The following LRRTM3 variants were observed in gnomAD, a reference collection of about 807,000 sequenced individuals.
LRRTM3 encodes the protein leucine rich repeat transmembrane neuronal 3.
In LRRTM3, 24 loss-of-function variants were observed where a neutral mutation model predicts 44.7. The observed-to-expected ratio is 0.54, with a 90% CI of 0.39 to 0.76. LRRTM3 has a LOEUF of 0.76. Ranked by LOEUF, LRRTM3 falls within the 30% of genes least tolerant of loss-of-function variation. The pLI, the probability that LRRTM3 is intolerant of heterozygous loss-of-function variation, is 0.00. For missense variants in LRRTM3, 587 were observed against 702.2 expected (o/e 0.84, Z 1.85); for synonymous variants, 277 against 278.7 (o/e 0.99, Z 0.06).
chr10:67,064,088 T>C (rs1223781960), intron 2 of LRRTM3, among the ~76,000 whole-genome samples: 1 of 152,220 alleles, frequency 6.6e-6, no homozygotes, highest in East Asian at 1.9e-4. Context: ...TGCACTTATT[T>C]CTAGTTAGCC....
At chr10:67,022,671 T>C (rs2894024) in intron 2 of LRRTM3, among the ~76,000 whole-genome samples, 137,316 of 152,160 alleles carry the variant, frequency 0.9, 62,396 homozygotes, top group South Asian at 0.97. Context: ...GGCACGGTGG[T>C]TCATGCCTTT....
At chr10:67,070,099 T>A (rs916682370) in intron 2 of LRRTM3, among the ~76,000 whole-genome samples, 1 of 152,212 alleles carries the variant, frequency 6.6e-6, no homozygotes, top group Non-Finnish European at 1.5e-5. Flanking sequence ...CTCGTCAGTG[T>A]GTAGTATTAT....
At chr10:67,028,479 G>A (rs1279159782) in intron 2 of LRRTM3, among the ~76,000 whole-genome samples, 1 of 151,906 alleles carries the variant, frequency 6.6e-6, no homozygotes, top group Non-Finnish European at 1.5e-5. Flanking sequence ...GTACTTGAGA[G>A]TGGATGGCAT....
intron 2 of LRRTM3, among the ~76,000 whole-genome samples, chr10:66,941,788 CA>C (rs1414153721): frequency 1.3e-5 from 2 of 151,968 alleles, no homozygotes; most frequent in Non-Finnish European, 2.9e-5. Flanking sequence ...TCTTAGAAGA[CA>C]AAAGCAAAAA....
At position 66,961,081 on chromosome 10, in the gene LRRTM3, T is replaced by A. The variant is rs1324811988; in HGVS notation, c.1536+32629T>A. ...ATTAGTGATACAGTAATAGATATGC[T>A]AATTCATAAAATGTTCAATAGCAAG... is the stretch of plus-strand genomic sequence containing the variant. On this transcript the variant is annotated intron_variant, in intron 2 of 2. Coordinates refer to ENST00000361320, the MANE Select transcript of LRRTM3 (RefSeq NM_178011.5). 2.6e-5 allele frequency among the ~76,000 whole-genome samples: 4 copies of A among 152,228 alleles called. No homozygotes were observed. In the East Asian group the frequency reaches 7.7e-4, roughly 29 times the overall value.
At chr10:67,021,014 G>T (rs755719352) in intron 2 of LRRTM3, among the ~76,000 whole-genome samples, 2 of 152,142 alleles carry the variant, frequency 1.3e-5, no homozygotes, top group East Asian at 1.9e-4. Flanking sequence ...TGAAGAGTTT[G>T]CCCTTACTTG....
intron 2 of LRRTM3, among the ~76,000 whole-genome samples, chr10:67,002,030 C>T (rs570661681): frequency 1.6e-4 from 24 of 152,176 alleles, no homozygotes; most frequent in Admixed American, 1.5e-3. Context: ...AGGAGGTCAC[C>T]GTCTGGTTGA....
intron 2 of LRRTM3, among the ~76,000 whole-genome samples, chr10:67,054,058 TACAG>T (rs1855278235): frequency 6.6e-6 from 1 of 152,170 alleles, no homozygotes; most frequent in African/African-American, 2.4e-5. Flanking sequence ...CTTTGCAGAT[TACAG>T]ACACTTAGTA....
Position 66,927,457 on chromosome 10 carries a change from C to G in LRRTM3, c.541C>G (p.Arg181Gly). 6.2e-7 allele frequency: 1 copy of G among 1,614,058 alleles called. No individual in the cohort carries two copies. The highest frequency in any genetic ancestry group is 1.1e-5 in the South Asian group (1 of 91,084). Residue 181 changes from arginine to glycine, a missense_variant, in exon 2 of 3, where the codon CGC (arginine) becomes GGC (glycine). Coordinates refer to ENST00000361320, the MANE Select transcript of LRRTM3 (RefSeq NM_178011.5). The surrounding 1 kb of genome is among the most constrained non-coding windows in gnomAD (Gnocchi z 4.7). The stretch of plus-strand genomic sequence containing the variant: ...CCCTGTGCGAATATTCCAAGACTGC[C>G]GCAACCTGGAACTTTTGGACCTGGG... Reference protein sequence around the residue: ...TIPVRIFQDCRNLELLDLGYN... With the variant: ...TIPVRIFQDCGNLELLDLGYN...
At chr10:67,076,269 C>T (rs542727847) in intron 2 of LRRTM3, among the ~76,000 whole-genome samples, 1 of 152,366 alleles carries the variant, frequency 6.6e-6, no homozygotes, top group African/African-American at 2.4e-5. Context: ...TAACTTTTCA[C>T]TGGATCTTAA....
chr10:67,019,322 G>A (rs773023362), intron 2 of LRRTM3, among the ~76,000 whole-genome samples: 11 of 152,122 alleles, frequency 7.2e-5, no homozygotes, highest in East Asian at 1.9e-4. Flanking sequence ...GGGTCCAAGC[G>A]CTTCTCCTGC....
intron 2 of LRRTM3, among the ~76,000 whole-genome samples, chr10:67,026,026 C>G (rs894131576): frequency 6.7e-6 from 1 of 149,744 alleles, no homozygotes. Context: ...CCAAACACCG[C>G]ATGTTCTCAT....
chr10:66,961,354 G>A (rs1241056219), intron 2 of LRRTM3, among the ~76,000 whole-genome samples: 1 of 152,076 alleles, frequency 6.6e-6, no homozygotes, highest in Admixed American at 6.6e-5. Flanking sequence ...TCAGTCTAAA[G>A]TCAGTTCTCC....
chr10:67,002,915 A>G (rs115401987), intron 2 of LRRTM3, among the ~76,000 whole-genome samples: 2,757 of 152,316 alleles, frequency 0.018, 87 homozygotes, highest in African/African-American at 0.062. Flanking sequence ...TTCTAAACAT[A>G]CCAAGGCTCA....
At chr10:67,003,598 G>A (rs946669433) in intron 2 of LRRTM3, among the ~76,000 whole-genome samples, 2 of 152,054 alleles carry the variant, frequency 1.3e-5, no homozygotes, top group African/African-American at 4.8e-5. Context: ...TTTAACTCAC[G>A]CAATTGCAAA....
intron 2 of LRRTM3, among the ~76,000 whole-genome samples, chr10:67,040,234 G>T (rs1395735099): frequency 6.6e-6 from 1 of 152,182 alleles, no homozygotes; most frequent in Non-Finnish European, 1.5e-5. Flanking sequence ...CTTGACATTT[G>T]CTCGGTCTAC....
At chr10:66,939,061 C>T (rs1242708111) in intron 2 of LRRTM3, among the ~76,000 whole-genome samples, 2 of 152,170 alleles carry the variant, frequency 1.3e-5, no homozygotes, top group African/African-American at 4.8e-5. Flanking sequence ...CAAGGGAACA[C>T]CCTACGCTAT....
intron 2 of LRRTM3, among the ~76,000 whole-genome samples, chr10:66,933,140 CTA>C (rs1345879948): frequency 1.3e-5 from 2 of 152,174 alleles, no homozygotes; most frequent in Non-Finnish European, 2.9e-5. Context: ...GTTTGTTGTT[CTA>C]TGTTTGGCAT....
chr10:67,049,305 G>T (rs551093694), intron 2 of LRRTM3, among the ~76,000 whole-genome samples: 80 of 152,124 alleles, frequency 5.3e-4, no homozygotes, highest in Middle Eastern at 6.8e-3. Flanking sequence ...AACCAATGAT[G>T]AAGGCTCAAC....
Sources: allele counts gnomAD v4.1 joint callset (sites outside exome capture counted in the v4.1 genomes callset), GRCh38; gene constraint gnomAD v4.1.1; non-coding constraint Gnocchi (gnomAD v3.1); transcripts MANE v1.5; gene names NCBI Gene and HGNC (gene_info 2026-07-23, HGNC 2026-07-21).